CEP112: variants seen among roughly 807,000 people sequenced by gnomAD.
The protein encoded by CEP112 is centrosomal protein of 112 kDa.
Under a neutral mutation model 153.0 loss-of-function variants are expected in CEP112, and 127 were observed. The ratio of observed to expected loss-of-function variants is 0.83; its 90% CI spans 0.72 to 0.96. CEP112 has a LOEUF of 0.96. CEP112 is among the 40% of genes least tolerant of loss of function. The probability of loss-of-function intolerance (pLI) is 0.00; values close to 1 mark genes in which losing one functional copy is unlikely to be tolerated. For synonymous variants in CEP112, 358 were observed against 374.4 expected (o/e 0.96, Z 0.51); for missense variants, 1,089 against 1,101.2 (o/e 0.99, Z 0.16).
At chr17:66,078,199 T>C (rs2067573098) in intron 8 of CEP112, among the ~76,000 whole-genome samples, 1 of 152,054 alleles carries the variant, frequency 6.6e-6, no homozygotes, top group South Asian at 2.1e-4. Context: ...GGTTTATTTC[T>C]AGGTCCTCTA....
Position 66,046,305 on chromosome 17 carries a change from G to T in CEP112, c.1218+7431C>A, listed in dbSNP as rs573707691. Among the ~76,000 whole-genome samples, 21 of 152,224 alleles carry T rather than the reference G, an allele frequency of 1.4e-4. No individual in the cohort carries two copies. The East Asian group carries it at 4.1e-3, about 30-fold the overall frequency. ...GATCTGCCCGCCTCGGCCTCCCAAA[G>T]TGCTGGGATTATAGGCGTGAGCCAC... On this transcript the variant is annotated intron_variant, in intron 12 of 26. Coordinates refer to ENST00000535342, the MANE Select transcript of CEP112 (RefSeq NM_001199165.4).
intron 20 of CEP112, among the ~76,000 whole-genome samples, chr17:65,891,586 T>C (rs984521761): frequency 6.6e-6 from 1 of 152,188 alleles, no homozygotes; most frequent in Non-Finnish European, 1.5e-5. Context: ...ACGCATGCCA[T>C]ATTGGCATCT....
chr17:66,177,592 A>C (rs1427245807), intron 2 of CEP112, among the ~76,000 whole-genome samples: 1 of 152,130 alleles, frequency 6.6e-6, no homozygotes, highest in East Asian at 1.9e-4. Flanking sequence ...ATCCAATTAT[A>C]CTCTTAGTTA....
intron 17 of CEP112, among the ~76,000 whole-genome samples, chr17:65,968,771 C>T (rs1599180413): frequency 6.6e-6 from 1 of 152,096 alleles, no homozygotes; most frequent in Non-Finnish European, 1.5e-5. Flanking sequence ...CCAGAACAAG[C>T]GATGAAAACA....
intron 18 of CEP112, among the ~76,000 whole-genome samples, chr17:65,960,437 T>G (rs372683618): frequency 6.6e-6 from 1 of 152,216 alleles, no homozygotes; most frequent in Non-Finnish European, 1.5e-5. Flanking sequence ...TATGTATGCA[T>G]ATAAAATAAA....
At chr17:65,758,600 A>G (rs1020175038) in intron 21 of CEP112, among the ~76,000 whole-genome samples, 4 of 152,154 alleles carry the variant, frequency 2.6e-5, no homozygotes, top group Non-Finnish European at 5.9e-5. Flanking sequence ...GAAAATTAGG[A>G]GATTTGTCTA....
At chr17:65,965,518 C>CCTT (rs1555734627) in intron 17 of CEP112, among the ~76,000 whole-genome samples, 2,061 of 121,972 alleles carry the variant, frequency 0.017, 85 homozygotes, top group East Asian at 0.032. Context: ...CTTCTGCCCC[C>CCTT]TTTTTTTTTT....
intron 20 of CEP112, among the ~76,000 whole-genome samples, chr17:65,881,061 A>G (rs2146601805): frequency 6.6e-6 from 1 of 152,242 alleles, no homozygotes; most frequent in South Asian, 2.1e-4. Context: ...CTAAAATACA[A>G]AAAATTAGCC....
At chr17:65,962,500 AG>A (rs1329424351) in intron 17 of CEP112, among the ~76,000 whole-genome samples, 1 of 152,250 alleles carries the variant, frequency 6.6e-6, no homozygotes, top group African/African-American at 2.4e-5. Flanking sequence ...TGTTGATAGA[AG>A]AAAAAATTAA....
At chr17:65,964,860 G>A (rs575023542) in intron 17 of CEP112, among the ~76,000 whole-genome samples, 12 of 152,160 alleles carry the variant, frequency 7.9e-5, no homozygotes, top group African/African-American at 2.9e-4. Flanking sequence ...ATTTATCAAA[G>A]GATTACCTTT....
At chr17:66,001,994 C>T (rs1198468135) in intron 17 of CEP112, among the ~76,000 whole-genome samples, 1 of 152,080 alleles carries the variant, frequency 6.6e-6, no homozygotes, top group Non-Finnish European at 1.5e-5. Context: ...GTATTTAATA[C>T]ATATGTAGAA....
intron 21 of CEP112, among the ~76,000 whole-genome samples, chr17:65,818,059 C>T (rs1020210095): frequency 6.6e-6 from 1 of 151,782 alleles, no homozygotes; most frequent in Non-Finnish European, 1.5e-5. Flanking sequence ...ACACGCTGCC[C>T]AGTTTACACT....
intron 4 of CEP112, among the ~76,000 whole-genome samples, chr17:66,153,400 A>G (rs2071290516): frequency 6.6e-6 from 1 of 151,792 alleles, no homozygotes; most frequent in African/African-American, 2.4e-5. Context: ...AACTTCAAAA[A>G]CAATATTGTA....
At chr17:65,809,930 A>G (rs570323238) in intron 21 of CEP112, among the ~76,000 whole-genome samples, 4 of 152,162 alleles carry the variant, frequency 2.6e-5, no homozygotes, top group Non-Finnish European at 5.9e-5. Context: ...ATTCCTGGAG[A>G]CCACGATGTT....
intron 19 of CEP112, among the ~76,000 whole-genome samples, chr17:65,907,817 T>C (rs1431450912): frequency 2.0e-5 from 3 of 152,246 alleles, no homozygotes; most frequent in African/African-American, 7.2e-5. Context: ...ACTTTCCATT[T>C]GTCCTTTACT....
chr17:65,648,112 T>G (rs1397551512), intron 24 of CEP112, among the ~76,000 whole-genome samples: 3 of 152,220 alleles, frequency 2.0e-5, no homozygotes, highest in African/African-American at 7.2e-5. Flanking sequence ...ATTCAAAGGC[T>G]GGTCTGCTGT....
chr17:65,864,663 G>A (rs543647549), intron 20 of CEP112, among the ~76,000 whole-genome samples: 31 of 152,294 alleles, frequency 2.0e-4, no homozygotes, highest in Non-Finnish European at 3.5e-4. Flanking sequence ...AATTATGAGT[G>A]AGCGTAGACT....
At chr17:65,872,109 A>G (rs1160440379) in intron 20 of CEP112, among the ~76,000 whole-genome samples, 2 of 152,228 alleles carry the variant, frequency 1.3e-5, no homozygotes, top group Admixed American at 1.3e-4. Flanking sequence ...TCATGGTAAT[A>G]TTATTTGCCT....
At chr17:66,061,022 G>C (rs2066901981) in intron 11 of CEP112, among the ~76,000 whole-genome samples, 1 of 151,622 alleles carries the variant, frequency 6.6e-6, no homozygotes, top group Non-Finnish European at 1.5e-5. Context: ...CTGATATGGG[G>C]TTTATATCCA....
Sources: allele counts gnomAD v4.1 joint callset (sites outside exome capture counted in the v4.1 genomes callset), GRCh38; gene constraint gnomAD v4.1.1; transcripts MANE v1.5; gene names NCBI Gene and HGNC (gene_info 2026-07-23, HGNC 2026-07-21).